Variants in CDK14 observed in about 807,000 individuals in gnomAD.
CDK14 encodes the protein cyclin dependent kinase 14.
In CDK14, 34 loss-of-function variants were observed where a neutral mutation model predicts 60.7. That is an observed-to-expected ratio of 0.56 (90% confidence interval 0.43 to 0.75). The LOEUF (loss-of-function observed/expected upper bound fraction) is 0.75, where lower values mean the gene tolerates loss of function less well. CDK14 is among the 30% of genes least tolerant of loss of function. The pLI is 0.00. For synonymous variants in CDK14, 197 were observed against 203.7 expected, an observed-to-expected ratio of 0.97 and a Z score of 0.28; for missense variants, 482 against 564.1, an observed-to-expected ratio of 0.85 and a Z score of 1.47.
chr7:90,658,918 C>T (rs1433579085), intron 2 of CDK14, among the ~76,000 whole-genome samples: 1 of 152,084 alleles, frequency 6.6e-6, no homozygotes, highest in Non-Finnish European at 1.5e-5. Flanking sequence ...TTCATTCCTT[C>T]TGGTAGTTTC....
At position 90,876,041 on chromosome 7, in the gene CDK14, T is replaced by C. The variant is rs561298184; in HGVS notation, c.639+12772T>C. Reference sequence around the variant, plus strand: ...CCAAGTTGTTATTTTTTTCTTTTAGTTTGTTTTGGGCTCTCTCTTGAATAT... The same window carrying C: ...CCAAGTTGTTATTTTTTTCTTTTAGCTTGTTTTGGGCTCTCTCTTGAATAT... On this transcript the variant is annotated intron_variant, in intron 6 of 14. Transcript: ENST00000380050. 2.0e-5 allele frequency among the ~76,000 whole-genome samples: 3 copies of C among 152,262 alleles called. 1 individual carries two copies. The highest frequency in any genetic ancestry group is 7.2e-5 in the African/African-American group (3 of 41,536).
At chr7:90,798,755 A>C (rs1788529360) in intron 5 of CDK14, among the ~76,000 whole-genome samples, 1 of 152,210 alleles carries the variant, frequency 6.6e-6, no homozygotes, top group African/African-American at 2.4e-5. Flanking sequence ...TTTGAATTTT[A>C]TCTCTCATTG....
At chr7:90,696,655 T>C (rs1170037775) in intron 2 of CDK14, among the ~76,000 whole-genome samples, 1 of 152,098 alleles carries the variant, frequency 6.6e-6, no homozygotes, top group African/African-American at 2.4e-5. Flanking sequence ...AGTCTGAGGA[T>C]GAGGGAAAGG....
chr7:91,015,521 G>GTTTTTTTTTTTTTT (rs10710645), intron 10 of CDK14, among the ~76,000 whole-genome samples: 2 of 77,678 alleles, frequency 2.6e-5, no homozygotes, highest in African/African-American at 5.2e-5. Flanking sequence ...TATGTCTTGG[G>GTTTTTTTTTTTTTT]TTTTTTTTTT....
chr7:91,001,466 C>T (rs1795832247), intron 10 of CDK14, among the ~76,000 whole-genome samples: 1 of 152,172 alleles, frequency 6.6e-6, no homozygotes, highest in Admixed American at 6.5e-5. Context: ...TTTATCCACG[C>T]TGTGTTGCAG....
chr7:90,849,588 G>A (rs895900629), intron 5 of CDK14, among the ~76,000 whole-genome samples: 1 of 151,982 alleles, frequency 6.6e-6, no homozygotes, highest in South Asian at 2.1e-4. Context: ...ATTGGAGAGG[G>A]TGGGGAGCCA....
intron 5 of CDK14, among the ~76,000 whole-genome samples, chr7:90,797,046 A>G (rs1788460559): frequency 6.6e-6 from 1 of 151,826 alleles, no homozygotes; most frequent in Non-Finnish European, 1.5e-5. Flanking sequence ...CTGAATCGAC[A>G]TACACAGATC....
intron 9 of CDK14, among the ~76,000 whole-genome samples, chr7:90,975,285 C>T (rs1259985621): frequency 6.6e-6 from 1 of 151,942 alleles, no homozygotes; most frequent in African/African-American, 2.4e-5. Flanking sequence ...CCTTGAATTC[C>T]TTTGCCATAG....
In CDK14 at chr7:90,920,706, T is replaced by A. The variant is rs1216246182; in HGVS notation, c.826+2982T>A. 2.0e-5 allele frequency among the ~76,000 whole-genome samples: 3 copies of A among 152,248 alleles called. No individual in the cohort carries two copies. In the East Asian group the frequency reaches 5.8e-4, roughly 29 times the overall value. On this transcript the variant is annotated intron_variant, in intron 8 of 14. Coordinates refer to ENST00000380050, the MANE Select transcript of CDK14 (RefSeq NM_001287135.2). The stretch of plus-strand genomic sequence containing the variant: ...TCGTTTTTGTATGCTGTTTTCTATA[T>A]ATAACAAATATGACACCCATGCTTT...
In CDK14 at chr7:90,811,632, T is replaced by G. The variant is rs370864295; in HGVS notation, c.544+20980T>G. ...ATTGACAAATGGGATCTAATTAAAC[T>G]AAAGAGCTTCTGCACAGCAAAAGAA... On this transcript the variant is annotated intron_variant, in intron 5 of 14. Transcript: ENST00000380050. Among the ~76,000 whole-genome samples the G allele has an allele frequency of 6.4e-3, 924 of 145,478 alleles. 21 individuals are homozygous for G. The highest frequency in any genetic ancestry group is 0.036 in the East Asian group (185 of 5,136).
chr7:90,930,963 A>T (rs963595082), intron 8 of CDK14, among the ~76,000 whole-genome samples: 1 of 152,174 alleles, frequency 6.6e-6, no homozygotes, highest in African/African-American at 2.4e-5. Context: ...ATCTTATAAG[A>T]TCATATCATA....
chr7:91,135,855 A>G (rs1478987215), intron 14 of CDK14, among the ~76,000 whole-genome samples: 1 of 152,154 alleles, frequency 6.6e-6, no homozygotes, highest in Admixed American at 6.6e-5. Context: ...GTTCTTACAC[A>G]AAATACTCTG....
chr7:91,126,468 C>G (rs536447916), intron 14 of CDK14, among the ~76,000 whole-genome samples: 1 of 152,250 alleles, frequency 6.6e-6, no homozygotes, highest in South Asian at 2.1e-4. Flanking sequence ...ATAATCATCC[C>G]TAGTTTACAA....
chr7:91,125,530 A>G (rs938413702), intron 14 of CDK14, among the ~76,000 whole-genome samples: 1 of 152,164 alleles, frequency 6.6e-6, no homozygotes, highest in African/African-American at 2.4e-5. Context: ...CTGCTAACCA[A>G]CGCATGCACA....
chr7:91,096,921 C>T (rs79571279), intron 12 of CDK14, among the ~76,000 whole-genome samples: 167 of 152,162 alleles, frequency 1.1e-3, no homozygotes, highest in African/African-American at 3.9e-3. Context: ...AAGTGAGAAT[C>T]AAAGTAAACA....
chr7:91,012,434 C>G (rs574686156), intron 10 of CDK14, among the ~76,000 whole-genome samples: 1 of 152,316 alleles, frequency 6.6e-6, no homozygotes, highest in South Asian at 2.1e-4. Context: ...ACAGATTTCT[C>G]CTCTTTGATC....
chr7:91,164,032 T>C (rs1243401446), intron 14 of CDK14, among the ~76,000 whole-genome samples: 1 of 47,542 alleles, frequency 2.1e-5, no homozygotes, highest in African/African-American at 1.2e-4. Flanking sequence ...TTTGAAATTA[T>C]GAGTTGGATT....
chr7:90,916,447 T>G (rs184850365), intron 7 of CDK14, among the ~76,000 whole-genome samples: 116 of 152,336 alleles, frequency 7.6e-4, no homozygotes, highest in Middle Eastern at 3.4e-3. Flanking sequence ...TTAACTTTAC[T>G]GTTATTTCAA....
At chr7:90,777,140 A>C (rs1805084068) in intron 4 of CDK14, among the ~76,000 whole-genome samples, 1 of 152,156 alleles carries the variant, frequency 6.6e-6, no homozygotes, top group South Asian at 2.1e-4. Flanking sequence ...ATGTTGCTAA[A>C]TGTTCCCAGT....
Sources: allele counts gnomAD v4.1 joint callset (sites outside exome capture counted in the v4.1 genomes callset), GRCh38; gene constraint gnomAD v4.1.1; transcripts MANE v1.5; gene names NCBI Gene and HGNC (gene_info 2026-07-23, HGNC 2026-07-21).